RASGRP3: variants seen among roughly 807,000 people sequenced by gnomAD.
The protein encoded by RASGRP3 is ras guanyl-releasing protein 3.
In RASGRP3, 54 loss-of-function variants were observed where a neutral mutation model predicts 82.7. That is an observed-to-expected ratio of 0.65 (90% CI 0.52 to 0.82). RASGRP3 has a LOEUF of 0.82. Ranked by LOEUF, RASGRP3 falls within the 40% of genes least tolerant of loss-of-function variation. RASGRP3 has a pLI of 0.00. For synonymous variants in RASGRP3, 309 were observed against 300.5 expected, an observed-to-expected ratio of 1.03 and a Z score of -0.29; for missense variants, 861 against 828.9, an observed-to-expected ratio of 1.04 and a Z score of -0.48.
chr2:33,556,101 C>T (rs1429808584), intron 15 of RASGRP3, among the ~76,000 whole-genome samples: 1 of 152,056 alleles, frequency 6.6e-6, no homozygotes, highest in South Asian at 2.1e-4. Context: ...TTGACAAATG[C>T]AATATGCATG....
chr2:33,482,388 A>G (rs1009464230), intron 1 of RASGRP3: 1 of 152,152 alleles, frequency 6.6e-6, no homozygotes, highest in African/African-American at 2.4e-5. Flanking sequence ...GTCAAGTTGG[A>G]GTTATACCAA....
intron 2 of RASGRP3, among the ~76,000 whole-genome samples, chr2:33,452,563 G>A (rs532450484): frequency 8.5e-5 from 13 of 152,292 alleles, no homozygotes; most frequent in African/African-American, 3.1e-4. Flanking sequence ...GTTTGCAGGG[G>A]CTGGCCTGAA....
rs1558539837 is a variant in RASGRP3, at chr2:33,564,712, TAAAAA to T, written c.*1977_*1981del. On this transcript the variant is annotated 3_prime_UTR_variant, in exon 18 of 18. Coordinates refer to ENST00000403687, the MANE Select transcript of RASGRP3 (RefSeq NM_001139488.2). ...TATTAAATGTAACTTGAGTAAAAAA[TAAAAA>T]AGAATAACTATGTATATACATATAT... The T allele has an allele frequency of 6.6e-6, 1 of 151,938 alleles. No individual in the cohort carries two copies. Among genetic ancestry groups the T allele is most frequent in the South Asian group, 2.1e-4 (1 of 4,820 alleles). 9.4% of individuals were successfully genotyped at this position (151,938 alleles called of 1,614,324 possible).
At chr2:33,484,916 TGGCCGGGTGCAGTG>T (rs879427154) in intron 1 of RASGRP3, among the ~76,000 whole-genome samples, 10 of 152,144 alleles carry the variant, frequency 6.6e-5, no homozygotes, top group Admixed American at 5.2e-4. Flanking sequence ...CTGATGCCCT[TGGCCGGGTGCAGTG>T]GCTCACACCT....
At chr2:33,473,464 C>G (rs147353084), upstream of RASGRP3, among the ~76,000 whole-genome samples, 595 of 152,140 alleles carry the variant, frequency 3.9e-3, 2 homozygotes, top group African/African-American at 0.013. Context: ...AGCTAATGAG[C>G]GCACGCTGAG....
chr2:33,524,504 C>T lies in RASGRP3; in HGVS notation c.763C>T (p.Arg255Cys), dbSNP rs757960166. 12 of 1,604,752 alleles carry T rather than the reference C, an allele frequency of 7.5e-6. No homozygotes were observed. Among genetic ancestry groups the T allele is most frequent in the East Asian group, 4.5e-5 (2 of 44,744 alleles). Residue 255 changes from arginine to cysteine, a missense_variant, in exon 9 of 18, where the codon CGC (arginine) becomes TGC (cysteine). Arg to Cys is a radical substitution (Grantham distance 180). Transcript: ENST00000403687. The part of the protein sequence containing the change: ...VGGLSHSSIS[R>C]LKETHSHLSS... ...AGGCCTCAGTCATAGTTCCATTTCACGCCTCAAAGAGACCCATTCTCATCT... is the reference window on the plus strand; with the variant it reads ...AGGCCTCAGTCATAGTTCCATTTCATGCCTCAAAGAGACCCATTCTCATCT...
intron 1 of RASGRP3, among the ~76,000 whole-genome samples, chr2:33,440,977 C>T (rs576174546): frequency 5.3e-5 from 8 of 152,252 alleles, no homozygotes; most frequent in African/African-American, 1.9e-4. Flanking sequence ...GCTGCAGCCT[C>T]CACCTCCAGG....
chr2:33,559,526 G>T (rs993212866), intron 17 of RASGRP3: 2 of 484,204 alleles, frequency 4.1e-6, no homozygotes, highest in Non-Finnish European at 8.3e-6. Flanking sequence ...GGCCCTTGAG[G>T]ATCTCTAAAC....
At position 33,558,415 on chromosome 2, in the gene RASGRP3, G is replaced by A. The variant is rs551022638; in HGVS notation, c.1705+79G>A. On this transcript the variant is annotated intron_variant, in intron 16 of 17. Transcript: ENST00000403687. ...CACTTGGACCTCATTTAGGTTCTGGGTCTAAACCCGGTCAGTCACTCTAAA... is the reference window on the plus strand; with the variant it reads ...CACTTGGACCTCATTTAGGTTCTGGATCTAAACCCGGTCAGTCACTCTAAA... 12 of 1,599,646 alleles carry A rather than the reference G, an allele frequency of 7.5e-6. No homozygotes were observed. In the Admixed American group the frequency reaches 1.0e-4, roughly 13 times the overall value.
At chr2:33,448,824 A>G (rs1443178473) in intron 2 of RASGRP3, among the ~76,000 whole-genome samples, 1 of 152,196 alleles carries the variant, frequency 6.6e-6, no homozygotes, top group East Asian at 1.9e-4. Flanking sequence ...TTTATGTTAT[A>G]TATATTTATT....
At chr2:33,443,989 GA>G in intron 1 of RASGRP3, among the ~76,000 whole-genome samples, 1 of 152,256 alleles carries the variant, frequency 6.6e-6, no homozygotes, top group East Asian at 1.9e-4. Context: ...AAAAGAAACA[GA>G]TAAAATGAAT....
intron 10 of RASGRP3, among the ~76,000 whole-genome samples, chr2:33,529,655 A>T (rs781733617): frequency 2.6e-5 from 4 of 152,072 alleles, no homozygotes; most frequent in Non-Finnish European, 5.9e-5. Flanking sequence ...AGTGTTGGGT[A>T]GCATAGTGTA....
In RASGRP3 at chr2:33,524,113, A is replaced by T; in HGVS notation, c.690+61A>T. The T allele has an allele frequency of 2.6e-6, 4 of 1,556,494 alleles. No individual in the cohort carries two copies. The South Asian group carries it at 4.5e-5, about 18-fold the overall frequency. On this transcript the variant is annotated intron_variant, in intron 8 of 17. Transcript: ENST00000403687. ...AGATGTTCGTTCACTCTGTTGAGAA[A>T]AGTCATTGAGGAAATGTGGCGTTCA... is the stretch of plus-strand genomic sequence containing the variant.
At chr2:33,556,928 C>T (rs13406027) in intron 15 of RASGRP3, among the ~76,000 whole-genome samples, 1,681 of 148,408 alleles carry the variant, frequency 0.011, 20 homozygotes, top group African/African-American at 0.026. Flanking sequence ...CACACACACA[C>T]GCAATTTTAT....
chr2:33,467,817 C>T (rs2150909629), intron 2 of RASGRP3, among the ~76,000 whole-genome samples: 1 of 152,296 alleles, frequency 6.6e-6, no homozygotes, highest in Non-Finnish European at 1.5e-5. Flanking sequence ...CCATTGGGAC[C>T]TCCCTGAGAA....
chr2:33,516,656 A>T lies in RASGRP3; in HGVS notation c.173+12A>T. 6.8e-7 allele frequency: 1 copy of T among 1,467,424 alleles called. No homozygotes were observed. The highest frequency in any genetic ancestry group is 1.2e-5 in the South Asian group (1 of 82,608). 90.9% of individuals were successfully genotyped at this position (1,467,424 alleles called of 1,614,324 possible). A position where few individuals can be genotyped will look rare whatever the true frequency, so the allele number is the denominator to read the frequency against. ...AAACTTCTCTGCATATATCTTTTCA[A>T]CTACTGTGTAATTTTTACAATCATA... is the stretch of plus-strand genomic sequence containing the variant. On this transcript the variant is annotated intron_variant, in intron 4 of 17. Coordinates refer to ENST00000403687, the MANE Select transcript of RASGRP3 (RefSeq NM_001139488.2).
intron 10 of RASGRP3, chr2:33,532,410 T>A (rs77194148): frequency 2.0e-5 from 3 of 151,358 alleles, no homozygotes; most frequent in Admixed American, 1.3e-4. Context: ...TCATCACACA[T>A]TTTTTTTTAT....
chr2:33,521,524 G>A (rs990093862), intron 6 of RASGRP3, among the ~76,000 whole-genome samples: 20 of 152,346 alleles, frequency 1.3e-4, no homozygotes, highest in African/African-American at 4.6e-4. Context: ...CAGAACCTCT[G>A]GCAGCGAGGC....
chr2:33,505,310 T>G (rs1670260366), intron 1 of RASGRP3, among the ~76,000 whole-genome samples: 1 of 151,896 alleles, frequency 6.6e-6, no homozygotes, highest in African/African-American at 2.4e-5. Context: ...TTTTTTTTTT[T>G]TTTTTCTTTG....
Sources: gnomAD v4.1 joint callset for allele counts (sites outside exome capture counted in the v4.1 genomes callset) on GRCh38, gnomAD v4.1.1 for gene constraint, MANE v1.5 for transcripts, NCBI Gene and HGNC (gene_info 2026-07-23, HGNC 2026-07-21) for gene names.